KDM3B: variants seen among roughly 807,000 people sequenced by gnomAD.
The protein encoded by KDM3B is lysine-specific demethylase 3B.
KDM3B carries 10 observed loss-of-function variants against 170.0 expected under a neutral mutation model. The observed-to-expected ratio is 0.06, with a 90% confidence interval of 0.04 to 0.10. The LOEUF (loss-of-function observed/expected upper bound fraction) is 0.10, where lower values mean the gene tolerates loss of function less well. Among genes scored for constraint, KDM3B ranks in the 10% least tolerant of loss-of-function variants. The pLI is 1.00. For synonymous variants in KDM3B, 831 were observed against 834.8 expected (o/e 1.00, Z 0.08); for missense variants, 1,394 against 2,195.2 (o/e 0.64, Z 7.29).
intron 1 of KDM3B, among the ~76,000 whole-genome samples, chr5:138,359,488 T>A (rs1361349863): frequency 1.6e-5 from 2 of 125,930 alleles, no homozygotes; most frequent in Non-Finnish European, 1.8e-5. Context: ...TTTTTTTTTT[T>A]AAGAGATTGG....
At chr5:138,386,961 T>A (rs1431982508) in intron 7 of KDM3B, among the ~76,000 whole-genome samples, 1 of 152,196 alleles carries the variant, frequency 6.6e-6, no homozygotes, top group East Asian at 1.9e-4. Context: ...CTATAAGAGG[T>A]GAGGTTAATG....
intron 9 of KDM3B, among the ~76,000 whole-genome samples, chr5:138,395,943 A>G (rs1331083925): frequency 6.6e-6 from 1 of 151,954 alleles, no homozygotes; most frequent in African/African-American, 2.4e-5. Context: ...TAAAAAAGTA[A>G]AAATGTTGCT....
intron 1 of KDM3B, among the ~76,000 whole-genome samples, chr5:138,361,681 T>C (rs980096791): frequency 6.6e-6 from 1 of 152,206 alleles, no homozygotes. Flanking sequence ...AACTTTTCTT[T>C]TAATGCTGTC....
intron 14 of KDM3B, 122 bp from the exon 15 acceptor site, chr5:138,420,584 T>C: frequency 9.4e-7 from 1 of 1,061,580 alleles, no homozygotes; most frequent in Non-Finnish European, 1.4e-6. Flanking sequence ...ATACACAGTT[T>C]GGGGGGTGCA....
At position 138,430,409 on chromosome 5, in the gene KDM3B, C is replaced by G; in HGVS notation, c.5054C>G (p.Ala1685Gly). 6.2e-7 allele frequency: 1 copy of G among 1,613,746 alleles called. No individual in the cohort carries two copies. Residue 1685 changes from alanine to glycine, a missense_variant, in exon 22 of 24, where the codon GCT becomes GGT. Ala to Gly is a moderately conservative substitution (Grantham distance 60). Around this residue, in one of 19 missense-constraint regions of KDM3B, gnomAD observed 79 missense variants for 270.5 expected, o/e 0.29. Coordinates refer to ENST00000314358, the MANE Select transcript of KDM3B (RefSeq NM_016604.4). ...CTAGGTGATGCTGTTTTCATACCTGCTGGAGCCCCACACCAGGTGGGTTCC... is the reference window on the plus strand; with the variant it reads ...CTAGGTGATGCTGTTTTCATACCTGGTGGAGCCCCACACCAGGTGGGTTCC... ...QFLGDAVFIP[A>G]GAPHQVHNLY...
At chr5:138,408,425 T>G (rs1762880296) in intron 11 of KDM3B, among the ~76,000 whole-genome samples, 2 of 151,504 alleles carry the variant, frequency 1.3e-5, no homozygotes, top group Admixed American at 1.3e-4. Flanking sequence ...AATTTGTAGT[T>G]TCAAAAATCT....
chr5:138,367,099 A>C (rs1363705687), intron 1 of KDM3B, among the ~76,000 whole-genome samples: 2 of 152,168 alleles, frequency 1.3e-5, no homozygotes, highest in African/African-American at 4.8e-5. Context: ...CTCTTCTGTG[A>C]AACTGTTCTG....
intron 14 of KDM3B, 126 bp from the exon 15 acceptor site, chr5:138,420,580 A>G: frequency 9.8e-7 from 1 of 1,021,808 alleles, no homozygotes. Flanking sequence ...AACCATACAC[A>G]GTTTGGGGGG....
rs1227387918 is a variant in KDM3B at position 138,391,157 on chromosome 5, T to A, written c.1525T>A (p.Cys509Ser). The change falls in exon 8 of 24, where the codon TGT becomes AGT. Residue 509 changes from cysteine to serine, a missense_variant. Cys to Ser is a moderately radical substitution (Grantham distance 112). Transcript: ENST00000314358. The surrounding 1 kb of genome is among the most constrained non-coding windows in gnomAD (Gnocchi z 5.0). Reference protein sequence around the residue: ...ENKPLGFSFGCSSAQEAQKDT... With the variant: ...ENKPLGFSFGSSSAQEAQKDT... ...CAAACCTTTGGGCTTCTCTTTTGGC[T>A]GTAGCTCTGCACAAGAGGCACAGAA... is the stretch of plus-strand genomic sequence containing the variant. 2 of 1,614,188 alleles carry A rather than the reference T, an allele frequency of 1.2e-6. No homozygotes were observed. The highest frequency in any genetic ancestry group is 4.5e-5 in the East Asian group (2 of 44,882).
chr5:138,375,242 T>G, intron 3 of KDM3B, 36 bp downstream of exon 3: 1 of 1,328,270 alleles, frequency 7.5e-7, no homozygotes, highest in South Asian at 1.2e-5. Context: ...AGCCTATTAT[T>G]TTTTTCGCTG....
intron 4 of KDM3B, among the ~76,000 whole-genome samples, chr5:138,379,111 T>C (rs530149925): frequency 7.9e-5 from 12 of 152,320 alleles, no homozygotes; most frequent in East Asian, 7.7e-4. Flanking sequence ...TCACCCACTG[T>C]TATTGAAAGT....
chr5:138,415,018 T>C, intron 11 of KDM3B, 114 bp from the exon 12 acceptor site: 1 of 555,096 alleles, frequency 1.8e-6, no homozygotes, highest in Admixed American at 3.0e-5. Context: ...TTAAGTTAGC[T>C]GTTATCTCCT....
intron 2 of KDM3B, among the ~76,000 whole-genome samples, 164 bp from the exon 3 acceptor site, chr5:138,374,929 G>A (rs1761958305): frequency 6.6e-6 from 1 of 152,316 alleles, no homozygotes; most frequent in South Asian, 2.1e-4. Context: ...TATTTGAGGG[G>A]TAGATGCTAG....
intron 1 of KDM3B, 103 bp downstream of exon 1, chr5:138,353,090 T>G: frequency 2.1e-6 from 2 of 938,058 alleles, no homozygotes; most frequent in Non-Finnish European, 1.4e-6. Context: ...GGGTGACCCA[T>G]TTCCGTGCCC....
intron 1 of KDM3B, among the ~76,000 whole-genome samples, chr5:138,353,612 G>A (rs1034784192): frequency 6.6e-6 from 1 of 152,234 alleles, no homozygotes; most frequent in Non-Finnish European, 1.5e-5. Context: ...CTGGGTGACA[G>A]GAGCTGCAGT....
chr5:138,358,776 ATTTATT>A (rs1197508785), intron 1 of KDM3B, among the ~76,000 whole-genome samples: 1 of 139,690 alleles, frequency 7.2e-6, no homozygotes, highest in Admixed American at 7.2e-5. Context: ...TTATTTATTT[ATTTATT>A]TTTATTTTTA....
chr5:138,375,194 G>A lies in KDM3B; in HGVS notation c.462G>A (p.Leu154=). The A allele has an allele frequency of 6.2e-7, 1 of 1,608,880 alleles. No individual in the cohort carries two copies. The highest frequency in any genetic ancestry group is 1.1e-5 in the South Asian group (1 of 90,978). Residue 154 remains leucine (L), a synonymous_variant, in exon 3 of 24, where the codon TTG becomes TTA. Coordinates refer to ENST00000314358, the MANE Select transcript of KDM3B (RefSeq NM_016604.4). The part of the protein sequence containing the change: ...ELRFLSDANG[L]HLFQMGTDSQ... ...GGTTCCTGTCAGATGCCAATGGGTT[G>A]CATCTGTTTCAGGTATTTAACACTT...
At chr5:138,378,216 A>C (rs1762046751) in intron 4 of KDM3B, among the ~76,000 whole-genome samples, 1 of 152,154 alleles carries the variant, frequency 6.6e-6, no homozygotes, top group Non-Finnish European at 1.5e-5. Flanking sequence ...TTTTATTGTG[A>C]GTTGAGTTTT....
intron 16 of KDM3B, 31 bp downstream of exon 16, chr5:138,424,372 A>C: frequency 6.3e-7 from 1 of 1,598,556 alleles, no homozygotes; most frequent in East Asian, 2.2e-5. Flanking sequence ...CCAAGGGCCA[A>C]TTCTCTGCCT....
Sources: gnomAD v4.1 joint callset for allele counts (sites outside exome capture counted in the v4.1 genomes callset) on GRCh38, gnomAD v4.1.1 for gene constraint, gnomAD v4.1.1 regional missense constraint, Gnocchi (gnomAD v3.1) non-coding constraint, MANE v1.5 for transcripts, NCBI Gene and HGNC (gene_info 2026-07-23, HGNC 2026-07-21) for gene names.